CD44: variants seen among roughly 807,000 people sequenced by gnomAD.
CD44 encodes CD44 molecule (IN blood group).
Under a neutral mutation model 88.8 loss-of-function variants are expected in CD44, and 49 were observed. That is an observed-to-expected ratio of 0.55 (90% CI 0.44 to 0.70). The LOEUF is 0.70. Ranked by LOEUF, CD44 falls within the 30% of genes least tolerant of loss-of-function variation. The pLI, the probability that CD44 is intolerant of heterozygous loss-of-function variation, is 0.00. For synonymous variants in CD44, 325 were observed against 312.3 expected, an observed-to-expected ratio of 1.04 and a Z score of -0.43; for missense variants, 883 against 913.8, an observed-to-expected ratio of 0.97 and a Z score of 0.43.
chr11:35,220,020 A>G (rs535610032), intron 16 of CD44, among the ~76,000 whole-genome samples: 1 of 152,330 alleles, frequency 6.6e-6, no homozygotes, highest in African/African-American at 2.4e-5. Flanking sequence ...ATTAAAATTG[A>G]TTTGTCATAG....
intron 13 of CD44, among the ~76,000 whole-genome samples, chr11:35,211,007 A>C (rs1948339511): frequency 6.6e-6 from 1 of 152,252 alleles, no homozygotes; most frequent in Non-Finnish European, 1.5e-5. Flanking sequence ...CAGATGTTGC[A>C]ACAAATGCCA....
intron 1 of CD44, among the ~76,000 whole-genome samples, chr11:35,162,938 G>A (rs1942815901): frequency 2.0e-5 from 3 of 152,064 alleles, no homozygotes; most frequent in Non-Finnish European, 2.9e-5. Flanking sequence ...TTTAGCATCT[G>A]ATAGAAAAAG....
At chr11:35,197,116 G>T in intron 6 of CD44, 1 of 336,120 alleles carries the variant, frequency 3.0e-6, no homozygotes, top group Non-Finnish European at 5.5e-6. Context: ...CAGAGACTAT[G>T]AAACGGGAAT....
intron 1 of CD44, among the ~76,000 whole-genome samples, chr11:35,166,612 C>T (rs538352038): frequency 5.9e-5 from 9 of 152,282 alleles, no homozygotes; most frequent in Admixed American, 1.3e-4. Context: ...GTTGGTTCAG[C>T]GTTGACTGCC....
chr11:35,221,378 A>C (rs1949291038), intron 16 of CD44, among the ~76,000 whole-genome samples: 1 of 152,212 alleles, frequency 6.6e-6, no homozygotes, highest in Admixed American at 6.5e-5. Context: ...AAGATTCAAC[A>C]AGTCATCCTG....
intron 1 of CD44, among the ~76,000 whole-genome samples, chr11:35,150,265 A>G (rs1297197473): frequency 1.3e-5 from 2 of 152,164 alleles, no homozygotes. Flanking sequence ...TATCCTATGC[A>G]ACTAGGGTAG....
At chr11:35,195,765 C>T (rs1286845917) in intron 5 of CD44, among the ~76,000 whole-genome samples, 1 of 152,040 alleles carries the variant, frequency 6.6e-6, no homozygotes, top group East Asian at 1.9e-4. Context: ...GTCTTATTAG[C>T]AAGATCATTG....
At chr11:35,159,085 A>T (rs1323759816) in intron 1 of CD44, among the ~76,000 whole-genome samples, 1 of 152,184 alleles carries the variant, frequency 6.6e-6, no homozygotes, top group African/African-American at 2.4e-5. Context: ...AGTTTAACAG[A>T]GTAGCTTCCT....
chr11:35,190,944 A>G (rs1249730525), intron 5 of CD44, among the ~76,000 whole-genome samples: 1 of 152,186 alleles, frequency 6.6e-6, no homozygotes, highest in Non-Finnish European at 1.5e-5. Context: ...CTCCACTGGA[A>G]AGTGTTTACA....
rs566611469 is a variant in CD44, at chr11:35,150,300, C to G, written c.67+10930C>G. Reference sequence around the variant, plus strand: ...GCCTGAGAATCTAGGGGAAAAAAAGCTAGACCAAACAAAAGATTATATATA... The same window carrying G: ...GCCTGAGAATCTAGGGGAAAAAAAGGTAGACCAAACAAAAGATTATATATA... On this transcript the variant is annotated intron_variant, in intron 1 of 17. Coordinates refer to ENST00000428726, the MANE Select transcript of CD44 (RefSeq NM_000610.4). Among the ~76,000 whole-genome samples, 3 of 152,188 alleles carry G rather than the reference C, an allele frequency of 2.0e-5. No homozygotes were observed. In the East Asian group the frequency reaches 5.8e-4, roughly 29 times the overall value.
intron 15 of CD44, among the ~76,000 whole-genome samples, chr11:35,215,868 T>TTTTAGGGG (rs1331617387): frequency 4.0e-5 from 6 of 150,768 alleles, no homozygotes; most frequent in Admixed American, 1.3e-4. Context: ...CAAGACTCTG[T>TTTTAGGGG]CTCAAAAAAA....
intron 1 of CD44, among the ~76,000 whole-genome samples, chr11:35,165,266 G>A (rs1468177227): frequency 1.3e-5 from 2 of 152,174 alleles, no homozygotes; most frequent in Non-Finnish European, 2.9e-5. Context: ...TGCTTCCACT[G>A]GTCCCATTTG....
At position 35,139,235 on chromosome 11, in the gene CD44, C is replaced by T; in HGVS notation, c.-69C>T. 5 of 1,281,982 alleles carry T rather than the reference C, an allele frequency of 3.9e-6. No homozygotes were observed. The highest frequency in any genetic ancestry group is 3.8e-5 in the South Asian group (3 of 78,336). 79.4% of individuals were successfully genotyped at this position (1,281,982 alleles called of 1,614,324 possible). A position where few individuals can be genotyped will look rare whatever the true frequency, so the allele number is the denominator to read the frequency against. On this transcript the variant is annotated 5_prime_UTR_variant, in exon 1 of 18. Coordinates refer to ENST00000428726, the MANE Select transcript of CD44 (RefSeq NM_000610.4). ...CCGCCATCCTCGTCCCGTCCTCCGC[C>T]GGCCCCTGCCCCGCGCCCAGGGATC... is the stretch of plus-strand genomic sequence containing the variant.
intron 1 of CD44, among the ~76,000 whole-genome samples, chr11:35,167,281 T>G (rs538346063): frequency 3.3e-5 from 5 of 152,276 alleles, no homozygotes; most frequent in Non-Finnish European, 7.4e-5. Flanking sequence ...TTTTTGTTTT[T>G]GTTTTTTGTT....
chr11:35,180,532 A>G, intron 3 of CD44, 125 bp downstream of exon 3: 1 of 1,021,870 alleles, frequency 9.8e-7, no homozygotes, highest in South Asian at 1.5e-5. Flanking sequence ...ATATCTGTAC[A>G]GCAGAGCCAA....
At chr11:35,195,266 GA>G (rs1946629509) in intron 5 of CD44, among the ~76,000 whole-genome samples, 1 of 152,056 alleles carries the variant, frequency 6.6e-6, no homozygotes, top group Non-Finnish European at 1.5e-5. Context: ...TGCAGAGGGG[GA>G]TAATAAACAT....
intron 14 of CD44, chr11:35,212,654 A>C (rs1042760556): frequency 3.3e-5 from 5 of 152,160 alleles, no homozygotes; most frequent in African/African-American, 1.2e-4. Context: ...GAAAATGCTA[A>C]CTTCAGCAAT....
intron 13 of CD44, 85 bp from the exon 14 acceptor site, chr11:35,211,161 C>A: frequency 1.0e-6 from 1 of 998,410 alleles, no homozygotes. Context: ...AAAGCTTTTG[C>A]AGCAATTGTG....
chr11:35,221,705 T>A lies in CD44; in HGVS notation c.1997T>A (p.Val666Asp). 1 of 1,614,120 alleles carries A rather than the reference T, an allele frequency of 6.2e-7. No homozygotes were observed. ...TTGGCCTTGGCTTTGATTCTTGCAG[T>A]TTGCATTGCAGTCAACAGTCGAAGA... ...SLLALALILA[V>D]CIAVNSRRRC... The change falls in exon 17 of 18, where the codon GTT becomes GAT. Residue 666 changes from valine to aspartate, a missense_variant. Around this residue, in one of 2 missense-constraint regions of CD44, gnomAD observed 631 missense variants for 590.9 expected, o/e 1.07. Transcript: ENST00000428726.
Sources: gnomAD v4.1 joint callset for allele counts (sites outside exome capture counted in the v4.1 genomes callset) on GRCh38, gnomAD v4.1.1 for gene constraint, gnomAD v4.1.1 regional missense constraint, MANE v1.5 for transcripts, NCBI Gene and HGNC (gene_info 2026-07-23, HGNC 2026-07-21) for gene names.